PCDH7: variants seen among roughly 807,000 people sequenced by gnomAD.
PCDH7 encodes the protein protocadherin-7.
PCDH7 carries 17 observed loss-of-function variants against 58.9 expected under a neutral mutation model. That is an observed-to-expected ratio of 0.29 (90% CI 0.20 to 0.43). The LOEUF is 0.43. Among genes scored for constraint, PCDH7 ranks in the 20% least tolerant of loss-of-function variants. The pLI is 1.00. For missense variants in PCDH7, 1,274 were observed against 1,441.0 expected (o/e 0.88, Z 1.88); for synonymous variants, 664 against 616.4 (o/e 1.08, Z -1.14).
chr4:31,127,344 T>C (rs1718429993), intron 3 of PCDH7, among the ~76,000 whole-genome samples: 1 of 152,180 alleles, frequency 6.6e-6, no homozygotes, highest in South Asian at 2.1e-4. Context: ...CGCAGACACG[T>C]TTAACTAAAG....
chr4:31,022,695 T>A (rs1018229809), intron 3 of PCDH7, among the ~76,000 whole-genome samples: 1 of 152,088 alleles, frequency 6.6e-6, no homozygotes, highest in African/African-American at 2.4e-5. Context: ...TAGAAAAAAG[T>A]ATGAATACCA....
intron 3 of PCDH7, among the ~76,000 whole-genome samples, chr4:31,135,248 C>T (rs1719457615): frequency 6.6e-6 from 1 of 152,160 alleles, no homozygotes. Flanking sequence ...AGCAAGATAG[C>T]ACGCTGGCAA....
In PCDH7 at chr4:31,063,491, T is replaced by C. The variant is rs548124686; in HGVS notation, c.*8-78982T>C. Among the ~76,000 whole-genome samples the C allele has an allele frequency of 9.0e-4, 137 of 151,796 alleles. 1 individual carries two copies. Among genetic ancestry groups the C allele is most frequent in the Non-Finnish European group, 2.4e-4 (16 of 67,804 alleles). On this transcript the variant is annotated intron_variant, in intron 3 of 3. Transcript: ENST00000509759. ...ATTGTTAGGATTTAATAAATAATGG[T>C]AATTATTATTATTATTATCATTCTA...
At chr4:30,872,859 T>C (rs1014324343) in intron 1 of PCDH7, among the ~76,000 whole-genome samples, 2 of 152,100 alleles carry the variant, frequency 1.3e-5, no homozygotes, top group Non-Finnish European at 1.5e-5. Context: ...TAATAGTGAC[T>C]ACCTTTTAGC....
At chr4:31,063,063 G>A in intron 3 of PCDH7, among the ~76,000 whole-genome samples, 1 of 151,820 alleles carries the variant, frequency 6.6e-6, no homozygotes, top group Admixed American at 6.6e-5. Context: ...GACTTTGAGA[G>A]AATGAAGTGT....
At position 30,842,712 on chromosome 4, in the gene PCDH7, T is replaced by C. The variant is rs183227203; in HGVS notation, c.71-77441T>C. Among the ~76,000 whole-genome samples, 29 of 152,166 alleles carry C rather than the reference T, an allele frequency of 1.9e-4. 1 individual carries two copies. Among genetic ancestry groups the C allele is most frequent in the Admixed American group, 3.3e-4 (5 of 15,252 alleles). ...GATCTGGAACACCATAGGTATTAGC[T>C]TATATTCTGTAGGAGGCATTGAAAG... On this transcript the variant is annotated intron_variant, in intron 1 of 3. Coordinates refer to the PCDH7 transcript ENST00000509759.
At chr4:31,120,460 T>C (rs1717552672) in intron 3 of PCDH7, among the ~76,000 whole-genome samples, 1 of 135,126 alleles carries the variant, frequency 7.4e-6, no homozygotes, top group African/African-American at 2.9e-5. Context: ...TTTTTTTTGG[T>C]CAATCTGTAT....
At chr4:30,968,383 T>TATATATATATATATATATATAC in intron 3 of PCDH7, among the ~76,000 whole-genome samples, 2 of 49,688 alleles carry the variant, frequency 4.0e-5, no homozygotes, top group Admixed American at 4.0e-4. Flanking sequence ...ACACTATATA[T>TATATATATATATATATATATAC]ATATATATAT....
chr4:30,964,244 T>TA (rs1748763004), intron 3 of PCDH7, among the ~76,000 whole-genome samples: 1 of 42,998 alleles, frequency 2.3e-5, no homozygotes, highest in Admixed American at 2.2e-4. Flanking sequence ...ATTTATTTAT[T>TA]TATTTATTTT....
chr4:30,939,874 T>G (rs778459656), intron 2 of PCDH7, among the ~76,000 whole-genome samples: 5 of 152,112 alleles, frequency 3.3e-5, no homozygotes, highest in Non-Finnish European at 7.4e-5. Context: ...CAGAAGTACC[T>G]GCCCTCCCAC....
At chr4:30,905,668 G>A (rs774419437) in intron 1 of PCDH7, among the ~76,000 whole-genome samples, 25 of 152,064 alleles carry the variant, frequency 1.6e-4, no homozygotes, top group Non-Finnish European at 2.8e-4. Flanking sequence ...AGTATTTTTC[G>A]CATTAGTTGC....
chr4:30,991,120 C>A (rs2109123863), intron 3 of PCDH7, among the ~76,000 whole-genome samples: 1 of 152,184 alleles, frequency 6.6e-6, no homozygotes, highest in South Asian at 2.1e-4. Context: ...TTTCAAAAAG[C>A]CATCTATTTT....
At chr4:30,736,788 G>T (rs1285440188), downstream of PCDH7, among the ~76,000 whole-genome samples, 2 of 151,788 alleles carry the variant, frequency 1.3e-5, no homozygotes, top group Non-Finnish European at 2.9e-5. Context: ...CGCCCGCCTC[G>T]GCCTCCCAAA....
chr4:30,821,147 A>C (rs6850528), intron 1 of PCDH7, among the ~76,000 whole-genome samples: 2,162 of 152,250 alleles, frequency 0.014, 45 homozygotes, highest in African/African-American at 0.049. Flanking sequence ...TGGGAGGTTA[A>C]GTCACTCTCT....
At chr4:30,727,387 T>C (rs1714759213) in intron 1 of PCDH7, among the ~76,000 whole-genome samples, 1 of 151,980 alleles carries the variant, frequency 6.6e-6, no homozygotes, top group Non-Finnish European at 1.5e-5. Flanking sequence ...TTACTTTTTG[T>C]TTTGTTTACA....
At chr4:31,022,685 T>C (rs1180730705) in intron 3 of PCDH7, among the ~76,000 whole-genome samples, 1 of 152,112 alleles carries the variant, frequency 6.6e-6, no homozygotes, top group East Asian at 1.9e-4. Context: ...AGTTTTTCCA[T>C]AGAAAAAAGT....
chr4:30,879,326 C>T (rs1736667116), intron 1 of PCDH7, among the ~76,000 whole-genome samples: 2 of 151,008 alleles, frequency 1.3e-5, no homozygotes, highest in African/African-American at 4.9e-5. Context: ...TATTTCTAGA[C>T]AAAAAAAATC....
chr4:31,136,148 T>C (rs1412048957), intron 3 of PCDH7, among the ~76,000 whole-genome samples: 1 of 152,190 alleles, frequency 6.6e-6, no homozygotes, highest in Admixed American at 6.5e-5. Context: ...ACAATATCCT[T>C]TTTATTCCTG....
At chr4:30,999,028 T>C (rs1055539304) in intron 3 of PCDH7, among the ~76,000 whole-genome samples, 2 of 152,104 alleles carry the variant, frequency 1.3e-5, no homozygotes, top group Non-Finnish European at 2.9e-5. Context: ...TGAAGGTACC[T>C]GGATAGAGGG....
Sources: gnomAD v4.1 joint callset for allele counts (sites outside exome capture counted in the v4.1 genomes callset) on GRCh38, gnomAD v4.1.1 for gene constraint, MANE v1.5 for transcripts, NCBI Gene and HGNC (gene_info 2026-07-23, HGNC 2026-07-21) for gene names.